ZPBP: variants seen among roughly 807,000 people sequenced by gnomAD.
The protein encoded by ZPBP is zona pellucida binding protein, also known as zona pellucida-binding protein 1.
In ZPBP, 26 loss-of-function variants were observed where a neutral mutation model predicts 44.8. That is an observed-to-expected ratio of 0.58 (90% CI 0.43 to 0.81). The LOEUF is 0.81. Among genes scored for constraint, ZPBP ranks in the 30% least tolerant of loss-of-function variants. The probability of loss-of-function intolerance (pLI) is 0.00; values close to 1 mark genes in which losing one functional copy is unlikely to be tolerated. For missense variants in ZPBP, 409 were observed against 434.0 expected (o/e 0.94, Z 0.51); for synonymous variants, 174 against 153.2 (o/e 1.14, Z -1.00).
At chr7:50,043,030 G>C (rs1391819261) in intron 4 of ZPBP, among the ~76,000 whole-genome samples, 1 of 152,124 alleles carries the variant, frequency 6.6e-6, no homozygotes, top group East Asian at 1.9e-4. Context: ...ACCAGAATGA[G>C]GGCAAGGAAC....
intron 6 of ZPBP, among the ~76,000 whole-genome samples, chr7:50,009,992 TAAG>T (rs980819657): frequency 6.6e-6 from 1 of 152,114 alleles, no homozygotes; most frequent in Non-Finnish European, 1.5e-5. Flanking sequence ...ATAGCAGGCC[TAAG>T]AAGATGTAGA....
At chr7:49,957,092 G>GTT (rs1795633553) in intron 7 of ZPBP, among the ~76,000 whole-genome samples, 1 of 152,124 alleles carries the variant, frequency 6.6e-6, no homozygotes, top group Non-Finnish European at 1.5e-5. Flanking sequence ...CTTTGTCTCT[G>GTT]TTTCTCTCTC....
intron 7 of ZPBP, among the ~76,000 whole-genome samples, chr7:49,971,511 T>G (rs551039362): frequency 6.6e-6 from 1 of 152,128 alleles, no homozygotes; most frequent in African/African-American, 2.4e-5. Context: ...ATAACTTAGA[T>G]GATACTAAAA....
At position 49,981,303 on chromosome 7, in the gene ZPBP, A is replaced by G. The variant is rs1316045926; in HGVS notation, c.961+2039T>C. Among the ~76,000 whole-genome samples, 207 of 59,700 alleles carry G rather than the reference A, an allele frequency of 3.5e-3. 4 individuals carry two copies. The highest frequency in any genetic ancestry group is 6.1e-3 in the Non-Finnish European group (176 of 28,988). 39.2% of individuals were successfully genotyped at this position (59,700 alleles called of 152,430 possible). On this transcript the variant is annotated intron_variant, in intron 7 of 7. Transcript: ENST00000046087. Reference sequence around the variant, plus strand: ...ATATATTATATAATATATATTATATATAATTATATATTATATAATATATAT... The same window carrying G: ...ATATATTATATAATATATATTATATGTAATTATATATTATATAATATATAT...
chr7:50,018,184 C>T (rs1454353778), intron 6 of ZPBP, 56 bp downstream of exon 6: 1 of 1,284,652 alleles, frequency 7.8e-7, no homozygotes, highest in Admixed American at 1.7e-5. Context: ...CTTACTTACA[C>T]ATGGGGCATG....
chr7:49,975,499 G>C (rs1796472880), intron 7 of ZPBP, among the ~76,000 whole-genome samples: 1 of 152,096 alleles, frequency 6.6e-6, no homozygotes, highest in Non-Finnish European at 1.5e-5. Context: ...TCATGTACTG[G>C]GCTTTCACAC....
intron 2 of ZPBP, among the ~76,000 whole-genome samples, chr7:49,860,753 TA>T (rs1790614997): frequency 6.6e-6 from 1 of 152,188 alleles, no homozygotes; most frequent in Non-Finnish European, 1.5e-5. Flanking sequence ...GTAATTAAGT[TA>T]AATGAGATCA....
rs181201788 is a variant in ZPBP, at chr7:49,905,542, A to T, written n.412-4327T>A. Among the ~76,000 whole-genome samples, 206 of 152,348 alleles carry T rather than the reference A, an allele frequency of 1.4e-3. 2 individuals are homozygous for T. The highest frequency in any genetic ancestry group is 3.4e-3 in the Middle Eastern group (1 of 294). On this transcript the variant is annotated intron_variant and non_coding_transcript_variant, in intron 1 of 2. Coordinates refer to the ZPBP transcript ENST00000465922. ...AGGTAAACCTTGATTTCTATCATTT[A>T]AAAAAGAGTTTTATTTATTTGTGTG... is the stretch of plus-strand genomic sequence containing the variant.
At chr7:49,855,921 T>C (rs934727095) in intron 2 of ZPBP, among the ~76,000 whole-genome samples, 20 of 152,196 alleles carry the variant, frequency 1.3e-4, no homozygotes, top group African/African-American at 4.6e-4. Context: ...AAAACTGATG[T>C]TTCTTTCAGA....
At chr7:49,859,213 T>C (rs1178996061) in intron 2 of ZPBP, among the ~76,000 whole-genome samples, 1 of 152,260 alleles carries the variant, frequency 6.6e-6, no homozygotes, top group Non-Finnish European at 1.5e-5. Flanking sequence ...TTAAGGGTTT[T>C]ATATATTGCA....
chr7:49,981,549 A>C (rs866629364), intron 7 of ZPBP, among the ~76,000 whole-genome samples: 178 of 85,128 alleles, frequency 2.1e-3, no homozygotes, highest in Non-Finnish European at 3.1e-3. Flanking sequence ...TTATATAATT[A>C]TATAAATTAT....
intron 1 of ZPBP, among the ~76,000 whole-genome samples, chr7:49,930,835 C>T (rs536183310): frequency 3.3e-5 from 5 of 152,174 alleles, no homozygotes; most frequent in Non-Finnish European, 7.4e-5. Flanking sequence ...AAATGTCCAA[C>T]AATTAGAATG....
chr7:49,906,132 T>C (rs1793074826), intron 1 of ZPBP, among the ~76,000 whole-genome samples: 1 of 152,172 alleles, frequency 6.6e-6, no homozygotes, highest in Non-Finnish European at 1.5e-5. Context: ...TCTTTATTCC[T>C]TCACTTTCTT....
At chr7:49,910,415 G>T (rs1199537219) in intron 1 of ZPBP, among the ~76,000 whole-genome samples, 1 of 152,278 alleles carries the variant, frequency 6.6e-6, no homozygotes, top group African/African-American at 2.4e-5. Flanking sequence ...CATTATCAAA[G>T]ATATTAGAAG....
chr7:49,946,125 C>T (rs1333280206), intron 7 of ZPBP, among the ~76,000 whole-genome samples: 1 of 152,054 alleles, frequency 6.6e-6, no homozygotes, highest in Non-Finnish European at 1.5e-5. Flanking sequence ...TTCATCCCCC[C>T]CTTTTTAGCT....
chr7:50,009,873 CAT>C (rs79553804), intron 6 of ZPBP, among the ~76,000 whole-genome samples: 28,208 of 151,810 alleles, frequency 0.19, 3,620 homozygotes, highest in East Asian at 0.61. Flanking sequence ...AAAATTAAAA[CAT>C]AACGTTCTTC....
At chr7:50,066,690 T>G (rs1411511987) in intron 3 of ZPBP, among the ~76,000 whole-genome samples, 1 of 152,180 alleles carries the variant, frequency 6.6e-6, no homozygotes, top group African/African-American at 2.4e-5. Context: ...TGTATTCACA[T>G]TTACTTATCC....
At chr7:49,983,669 C>G (rs1797128173) in intron 6 of ZPBP, 150 bp from the exon 7 acceptor site, 1 of 565,200 alleles carries the variant, frequency 1.8e-6, no homozygotes, top group South Asian at 2.3e-5. Context: ...ATAAAACACA[C>G]AAAACTGAAA....
At chr7:50,017,274 C>T (rs1271133263) in intron 6 of ZPBP, among the ~76,000 whole-genome samples, 8 of 152,112 alleles carry the variant, frequency 5.3e-5, no homozygotes, top group Admixed American at 1.3e-4. Flanking sequence ...ATCTAGATCC[C>T]TCACATGCAC....
Sources: allele counts gnomAD v4.1 joint callset (sites outside exome capture counted in the v4.1 genomes callset), GRCh38; gene constraint gnomAD v4.1.1; transcripts MANE v1.5; gene names NCBI Gene and HGNC (gene_info 2026-07-23, HGNC 2026-07-21).